PACS1: variants seen among roughly 807,000 people sequenced by gnomAD.
PACS1 encodes phosphofurin acidic cluster sorting protein 1, also known as PACS-1.
In PACS1, 24 loss-of-function variants were observed where a neutral mutation model predicts 115.0. The ratio of observed to expected loss-of-function variants is 0.21; its 90% CI spans 0.15 to 0.29. PACS1 has a LOEUF of 0.29. Among genes scored for constraint, PACS1 ranks in the 10% least tolerant of loss-of-function variants. PACS1 has a pLI of 1.00. For synonymous variants in PACS1, 453 were observed against 504.5 expected, an observed-to-expected ratio of 0.90 and a Z score of 1.37; for missense variants, 838 against 1,251.2, an observed-to-expected ratio of 0.67 and a Z score of 4.98.
intron 1 of PACS1, among the ~76,000 whole-genome samples, chr11:66,172,352 T>C (rs919577285): frequency 6.6e-6 from 1 of 152,192 alleles, no homozygotes; most frequent in Non-Finnish European, 1.5e-5. Context: ...GCAGCAGTGA[T>C]GGAGCGTGAC....
chr11:66,171,682 C>G (rs1023864761), intron 1 of PACS1, among the ~76,000 whole-genome samples: 4 of 150,110 alleles, frequency 2.7e-5, no homozygotes, highest in Non-Finnish European at 5.9e-5. Flanking sequence ...CAGGTTCACG[C>G]TATTCTCCTG....
At chr11:66,096,249 G>A (rs1309603395) in intron 1 of PACS1, among the ~76,000 whole-genome samples, 1 of 132,900 alleles carries the variant, frequency 7.5e-6, no homozygotes, top group East Asian at 2.2e-4. Context: ...AGGGTGTTTC[G>A]CTGTGTCACC....
At chr11:66,149,692 G>A (rs1050744423) in intron 1 of PACS1, among the ~76,000 whole-genome samples, 5 of 152,170 alleles carry the variant, frequency 3.3e-5, no homozygotes, top group East Asian at 3.9e-4. Context: ...GTGTGTGTGT[G>A]TGTGTGTGTG....
chr11:66,222,940 C>G (rs979098796), intron 10 of PACS1, among the ~76,000 whole-genome samples: 1 of 151,212 alleles, frequency 6.6e-6, no homozygotes, highest in African/African-American at 2.4e-5. Flanking sequence ...AACTGCAGCC[C>G]AAACAGACTC....
In PACS1 at chr11:66,117,170, G is replaced by C. The variant is rs927663580; in HGVS notation, c.356+46328G>C. Among the ~76,000 whole-genome samples, 10 of 150,850 alleles carry C rather than the reference G, an allele frequency of 6.6e-5. 1 individual carries two copies. The highest frequency in any genetic ancestry group is 2.2e-4 in the African/African-American group (9 of 40,332). ...GCCAAAGGGACCCTGGCATTGAAAG[G>C]GTTAAGGAGGCTGGGCGCAGTGGTT... On this transcript the variant is annotated intron_variant, in intron 1 of 23. Transcript: ENST00000320580.
At chr11:66,096,209 CTT>C (rs66569530) in intron 1 of PACS1, among the ~76,000 whole-genome samples, 3,017 of 118,996 alleles carry the variant, frequency 0.025, 94 homozygotes, top group African/African-American at 0.1. Flanking sequence ...CTTTTTCTTT[CTT>C]TTTTTTTTTT....
intron 5 of PACS1, 43 bp from the exon 6 acceptor site, chr11:66,216,477 A>G (rs747564771): frequency 6.4e-7 from 1 of 1,560,508 alleles, no homozygotes; most frequent in Non-Finnish European, 8.8e-7. Flanking sequence ...CTTAGGCCAG[A>G]TCTTCCCATT....
intron 1 of PACS1, among the ~76,000 whole-genome samples, chr11:66,117,865 AG>A (rs1020114274): frequency 1.7e-4 from 26 of 152,150 alleles, no homozygotes; most frequent in African/African-American, 6.3e-4. Context: ...GAAAAAAAAA[AG>A]ATGTTTGTTT....
chr11:66,212,960 C>T (rs1855111955), intron 4 of PACS1, among the ~76,000 whole-genome samples: 2 of 152,224 alleles, frequency 1.3e-5, no homozygotes, highest in African/African-American at 4.8e-5. Flanking sequence ...AGCAGTTCTC[C>T]TGCCTCAACC....
chr11:66,124,272 G>A (rs1858520459), intron 1 of PACS1, among the ~76,000 whole-genome samples: 1 of 152,208 alleles, frequency 6.6e-6, no homozygotes, highest in African/African-American at 2.4e-5. Flanking sequence ...GGATGTGTGG[G>A]AATTAGCTAA....
chr11:66,217,125 AAG>A, intron 7 of PACS1: 1 of 338,044 alleles, frequency 3.0e-6, no homozygotes, highest in Non-Finnish European at 5.6e-6. Flanking sequence ...TGCAGCGAGA[AAG>A]CCAGCTCCCT....
At chr11:66,190,433 G>A (rs1224151099) in intron 1 of PACS1, among the ~76,000 whole-genome samples, 19 of 152,124 alleles carry the variant, frequency 1.2e-4, no homozygotes, top group African/African-American at 4.6e-4. Flanking sequence ...TTGTTTGTTT[G>A]TTTGTTTTTT....
intron 1 of PACS1, among the ~76,000 whole-genome samples, chr11:66,172,223 C>G (rs1488536445): frequency 1.3e-5 from 2 of 152,104 alleles, no homozygotes; most frequent in Non-Finnish European, 1.5e-5. Flanking sequence ...TACGGTATAT[C>G]CTTAAGACAC....
intron 1 of PACS1, among the ~76,000 whole-genome samples, chr11:66,101,773 A>C (rs1034117747): frequency 6.6e-6 from 1 of 152,180 alleles, no homozygotes; most frequent in Non-Finnish European, 1.5e-5. Context: ...GAGTGAGTCC[A>C]AGGATAGGAC....
At chr11:66,113,609 C>T (rs767641086) in intron 1 of PACS1, among the ~76,000 whole-genome samples, 3 of 152,172 alleles carry the variant, frequency 2.0e-5, no homozygotes, top group Admixed American at 1.3e-4. Flanking sequence ...CAGTTCCTTT[C>T]GGTATGATGA....
chr11:66,149,758 C>T (rs535470737), intron 1 of PACS1, among the ~76,000 whole-genome samples: 14 of 151,242 alleles, frequency 9.3e-5, no homozygotes, highest in African/African-American at 3.2e-4. Context: ...CAAAACTGAT[C>T]TTTTTTTTGA....
At chr11:66,072,654 C>T (rs952280942) in intron 1 of PACS1, among the ~76,000 whole-genome samples, 1 of 152,188 alleles carries the variant, frequency 6.6e-6, no homozygotes, top group African/African-American at 2.4e-5. Context: ...TCTCTTGATC[C>T]TAAGCAGGCC....
chr11:66,221,887 G>A (rs1416641315), intron 10 of PACS1, among the ~76,000 whole-genome samples: 3 of 152,126 alleles, frequency 2.0e-5, no homozygotes, highest in African/African-American at 4.8e-5. Context: ...AGGCCAGGGC[G>A]GGTGGATCAC....
Position 66,126,227 on chromosome 11 carries a change from A to T in PACS1, c.356+55385A>T, listed in dbSNP as rs188993180. Among the ~76,000 whole-genome samples, 3 of 152,282 alleles carry T rather than the reference A, an allele frequency of 2.0e-5. 1 individual carries two copies. In the East Asian group the frequency reaches 5.8e-4, roughly 29 times the overall value. Reference sequence around the variant, plus strand: ...GTAATCTCTGGTTAGAGACAGAGGCAGTGGCCTGCTGGGGAACACACCAGA... The same window carrying T: ...GTAATCTCTGGTTAGAGACAGAGGCTGTGGCCTGCTGGGGAACACACCAGA... On this transcript the variant is annotated intron_variant, in intron 1 of 23. Coordinates refer to ENST00000320580, the MANE Select transcript of PACS1 (RefSeq NM_018026.4).
Sources: allele counts gnomAD v4.1 joint callset (sites outside exome capture counted in the v4.1 genomes callset), GRCh38; gene constraint gnomAD v4.1.1; transcripts MANE v1.5; gene names NCBI Gene and HGNC (gene_info 2026-07-23, HGNC 2026-07-21).